SMC6: variants seen among roughly 807,000 people sequenced by gnomAD.
The protein encoded by SMC6 is structural maintenance of chromosomes 6.
SMC6 carries 79 observed loss-of-function variants against 142.2 expected under a neutral mutation model. The observed-to-expected ratio is 0.56, with a 90% CI of 0.46 to 0.67. The LOEUF (loss-of-function observed/expected upper bound fraction) is 0.67, where lower values mean the gene tolerates loss of function less well. SMC6 is among the 30% of genes least tolerant of loss of function. SMC6 has a pLI of 0.00. For synonymous variants in SMC6, 411 were observed against 412.4 expected (o/e 1.00, Z 0.04); for missense variants, 1,072 against 1,284.0 (o/e 0.83, Z 2.52).
At chr2:17,692,113 GAA>G (rs1351630696) in intron 23 of SMC6, among the ~76,000 whole-genome samples, 2 of 152,180 alleles carry the variant, frequency 1.3e-5, no homozygotes, top group African/African-American at 2.4e-5. Flanking sequence ...TCAATATCGT[GAA>G]AATGGCCACA....
At chr2:17,719,473 A>C (rs1295155863) in intron 11 of SMC6, among the ~76,000 whole-genome samples, 1 of 152,192 alleles carries the variant, frequency 6.6e-6, no homozygotes, top group Non-Finnish European at 1.5e-5. Context: ...AGAGTATGCA[A>C]ATGCTTAAAC....
chr2:17,694,022 AAAG>A (rs1449143560), intron 23 of SMC6, among the ~76,000 whole-genome samples: 1,841 of 53,606 alleles, frequency 0.034, 67 homozygotes, highest in African/African-American at 0.074. Flanking sequence ...AAAAAAAAAA[AAAG>A]AATGAAATCC....
At chr2:17,666,159 G>A (rs566164608) in intron 27 of SMC6, among the ~76,000 whole-genome samples, 3 of 152,162 alleles carry the variant, frequency 2.0e-5, no homozygotes, top group Non-Finnish European at 4.4e-5. Context: ...TATTACTTTA[G>A]TTTGTCATGA....
At chr2:17,743,389 T>G (rs183012504) in intron 3 of SMC6, among the ~76,000 whole-genome samples, 1 of 151,988 alleles carries the variant, frequency 6.6e-6, no homozygotes, top group Non-Finnish European at 1.5e-5. Context: ...CCTGTACATA[T>G]TTTGCTAGCT....
intron 12 of SMC6, 74 bp from the exon 13 acceptor site, chr2:17,717,250 T>C: frequency 3.9e-6 from 4 of 1,029,880 alleles, no homozygotes; most frequent in Non-Finnish European, 5.8e-6. Context: ...TTTTGTCAAA[T>C]CTTCAGAGGC....
intron 25 of SMC6, 130 bp downstream of exon 25, chr2:17,678,729 T>C (rs1415938841): frequency 3.1e-6 from 2 of 640,564 alleles, no homozygotes; most frequent in African/African-American, 1.9e-5. Context: ...TGAGCTATGA[T>C]TGTACCACTG....
chr2:17,666,666 G>A, intron 26 of SMC6, 149 bp from the exon 27 acceptor site: 2 of 633,598 alleles, frequency 3.2e-6, no homozygotes, highest in East Asian at 2.8e-5. Flanking sequence ...CTATTATACT[G>A]GAAAAGAAAT....
Position 17,683,760 on chromosome 2 carries a change from C to G in SMC6, c.2682G>C (p.Gln894His). 2 of 1,608,712 alleles carry G rather than the reference C, an allele frequency of 1.2e-6. No homozygotes were observed. The highest frequency in any genetic ancestry group is 1.7e-6 in the Non-Finnish European group (2 of 1,177,090). Residue 894 changes from glutamine to histidine, a missense_variant, in exon 24 of 28, where the codon CAG (glutamine) becomes CAC (histidine). Physicochemically the swap from Gln to His is conservative, Grantham distance 24. Coordinates refer to ENST00000448223, the MANE Select transcript of SMC6 (RefSeq NM_001142286.2). ...SHGDREEIMR[Q>H]YQEARETYLD... ...GATAGGTCTCTCTTGCTTCTTGGTACTGCCTATTATATAAACAAAATATTA... is the reference window on the plus strand; with the variant it reads ...GATAGGTCTCTCTTGCTTCTTGGTAGTGCCTATTATATAAACAAAATATTA...
rs182580772 is a variant in SMC6 at position 17,676,370 on chromosome 2, A to C, written c.2910+2489T>G. 8.1e-4 allele frequency among the ~76,000 whole-genome samples: 123 copies of C among 152,310 alleles called. 1 individual carries two copies. The highest frequency in any genetic ancestry group is 3.7e-3 in the Admixed American group (56 of 15,306). ...CTGGTTCTATTTCCTACTTTAAAAA[A>C]AATTATCAATCACCTTTCCATGCTT... is the stretch of plus-strand genomic sequence containing the variant. On this transcript the variant is annotated intron_variant, in intron 25 of 27. Transcript: ENST00000448223.
Position 17,721,258 on chromosome 2 carries a change from G to A in SMC6, c.730C>T (p.Leu244Phe), listed in dbSNP as rs1398277814. The change falls in exon 10 of 28, where the codon CTT becomes TTT. Residue 244 changes from leucine to phenylalanine, a missense_variant. Physicochemically the swap from Leu to Phe is conservative, Grantham distance 22. Coordinates refer to ENST00000448223, the MANE Select transcript of SMC6 (RefSeq NM_001142286.2). ...KEQIHQGEER[L>F]TELKRQCVEK... is the part of the protein sequence containing the mutation. ...ACACACTGGCGCTTTAGTTCAGTAA[G>A]CCGCTTAAAAAAAGAAAACAGAACG... 3 of 1,568,474 alleles carry A rather than the reference G, an allele frequency of 1.9e-6. No homozygotes were observed. The Admixed American group carries it at 6.4e-5, about 34-fold the overall frequency.
At chr2:17,693,469 C>T (rs10202232) in intron 23 of SMC6, among the ~76,000 whole-genome samples, 3,011 of 152,146 alleles carry the variant, frequency 0.02, 108 homozygotes, top group African/African-American at 0.07. Context: ...ACTGCATGTT[C>T]TCACTCATAG....
intron 4 of SMC6, among the ~76,000 whole-genome samples, chr2:17,739,794 C>A (rs189069070): frequency 2.0e-5 from 3 of 149,338 alleles, no homozygotes; most frequent in South Asian, 4.2e-4. Flanking sequence ...GCCTGGGTGA[C>A]CCGGAGAGAG....
chr2:17,672,764 G>A (rs1411327611), intron 25 of SMC6, among the ~76,000 whole-genome samples: 5 of 152,146 alleles, frequency 3.3e-5, no homozygotes, highest in Non-Finnish European at 5.9e-5. Context: ...TATGTTGTGT[G>A]CAACAGCAGT....
At chr2:17,739,509 G>A (rs1670320194) in intron 4 of SMC6, among the ~76,000 whole-genome samples, 1 of 152,054 alleles carries the variant, frequency 6.6e-6, no homozygotes, top group East Asian at 1.9e-4. Flanking sequence ...GCTGGGAGTG[G>A]TGGTGCACAC....
Position 17,715,087 on chromosome 2 carries a change from A to G in SMC6, c.1526-22T>C, listed in dbSNP as rs1325310677. ...GCTCCTAAAAGTGAGAGAAAATTACAGAAGGGCTCATAAATACTTATTTTG... is the reference window on the plus strand; with the variant it reads ...GCTCCTAAAAGTGAGAGAAAATTACGGAAGGGCTCATAAATACTTATTTTG... On this transcript the variant is annotated intron_variant, in intron 15 of 27. Transcript: ENST00000448223. The G allele has an allele frequency of 2.5e-6, 4 of 1,604,990 alleles. No homozygotes were observed. The Admixed American group carries it at 6.9e-5, about 28-fold the overall frequency.
intron 16 of SMC6, among the ~76,000 whole-genome samples, 179 bp from the exon 17 acceptor site, chr2:17,708,932 T>C (rs1236280191): frequency 6.6e-6 from 1 of 152,018 alleles, no homozygotes; most frequent in Non-Finnish European, 1.5e-5. Flanking sequence ...CATAGCTGTA[T>C]AGGTTTATTT....
rs1669894826 is a variant in SMC6, at chr2:17,731,132, C to T, written c.489G>A (p.Val163=). 3 of 1,610,864 alleles carry T rather than the reference C, an allele frequency of 1.9e-6. No individual in the cohort carries two copies. The highest frequency in any genetic ancestry group is 2.5e-6 in the Non-Finnish European group (3 of 1,178,180). ...SYKLKSATGS[V]VSTRKEELIA... is the part of the protein sequence containing the mutation. ...TCAGCTCTTCTTTCCTCGTGGAAAC[C>T]ACGGAGCCTAGTTATAAGAAACATA... The change falls in exon 7 of 28, where the codon GTG becomes GTA. Residue 163 remains valine (V), a synonymous_variant. Coordinates refer to ENST00000448223, the MANE Select transcript of SMC6 (RefSeq NM_001142286.2).
intron 5 of SMC6, among the ~76,000 whole-genome samples, chr2:17,732,654 G>A (rs1437991130): frequency 1.3e-5 from 2 of 151,656 alleles, no homozygotes; most frequent in Non-Finnish European, 1.5e-5. Flanking sequence ...AGCTGAGATC[G>A]TGCCATTGCA....
intron 4 of SMC6, chr2:17,740,608 A>G: frequency 3.1e-6 from 1 of 325,218 alleles, no homozygotes; most frequent in South Asian, 2.2e-5. Context: ...TAATCCCAGC[A>G]CTCTGCGAAG....
Sources: gnomAD v4.1 joint callset for allele counts (sites outside exome capture counted in the v4.1 genomes callset) on GRCh38, gnomAD v4.1.1 for gene constraint, MANE v1.5 for transcripts, NCBI Gene and HGNC (gene_info 2026-07-23, HGNC 2026-07-21) for gene names.